SLC8A1: variants seen among roughly 807,000 people sequenced by gnomAD.
SLC8A1 encodes solute carrier family 8 member A1, also known as sodium/calcium exchanger 1.
In SLC8A1, 18 loss-of-function variants were observed where a neutral mutation model predicts 68.3. The observed-to-expected ratio is 0.26, with a 90% CI of 0.18 to 0.39. The LOEUF is 0.39. Ranked by LOEUF, SLC8A1 falls within the 10% of genes least tolerant of loss-of-function variation. SLC8A1 has a pLI of 1.00. For missense variants in SLC8A1, 985 were observed against 1,156.7 expected (o/e 0.85, Z 2.15); for synonymous variants, 475 against 415.5 (o/e 1.14, Z -1.74).
chr2:40,299,002 C>G (rs2070935222), intron 2 of SLC8A1, among the ~76,000 whole-genome samples: 1 of 152,120 alleles, frequency 6.6e-6, no homozygotes, highest in Admixed American at 6.5e-5. Flanking sequence ...GAACCTGGAT[C>G]TACTTGGGGA....
chr2:40,459,239 A>G (rs1395837008), intron 1 of SLC8A1, among the ~76,000 whole-genome samples: 1 of 152,206 alleles, frequency 6.6e-6, no homozygotes, highest in Non-Finnish European at 1.5e-5. Context: ...GGAAAAATGG[A>G]ATAGAAAGGT....
intron 2 of SLC8A1, among the ~76,000 whole-genome samples, chr2:40,391,172 T>C (rs999781518): frequency 3.2e-4 from 16 of 49,864 alleles, no homozygotes; most frequent in African/African-American, 2.1e-3. Flanking sequence ...TATATGTAGA[T>C]GCGTGTGTGT....
intron 2 of SLC8A1, among the ~76,000 whole-genome samples, chr2:40,266,480 G>A (rs1198709915): frequency 2.0e-5 from 3 of 152,176 alleles, no homozygotes; most frequent in Non-Finnish European, 4.4e-5. Context: ...ATAGAGTAGA[G>A]ACTATTCTTA....
chr2:40,512,362 T>C (rs1376189902), exon 1 of SLC8A1: 1 of 152,328 alleles, frequency 6.6e-6, no homozygotes, highest in Non-Finnish European at 1.5e-5. Context: ...TGTCAAGCTT[T>C]GGCTGCTCAG....
intron 6 of SLC8A1, among the ~76,000 whole-genome samples, chr2:40,140,319 C>T (rs2041304850): frequency 6.6e-6 from 1 of 152,204 alleles, no homozygotes; most frequent in South Asian, 2.1e-4. Flanking sequence ...TTCTTTAGAA[C>T]TAAATGTGCT....
intron 2 of SLC8A1, among the ~76,000 whole-genome samples, chr2:40,300,493 C>T (rs892015278): frequency 6.6e-6 from 1 of 152,098 alleles, no homozygotes; most frequent in African/African-American, 2.4e-5. Context: ...TAGGCTGGCC[C>T]ACAAAAACAA....
intron 2 of SLC8A1, among the ~76,000 whole-genome samples, chr2:40,215,766 C>A (rs1259441592): frequency 5.9e-5 from 9 of 151,366 alleles, no homozygotes; most frequent in African/African-American, 2.2e-4. Context: ...GTTGGCATTA[C>A]AGGTCTGAGC....
intron 2 of SLC8A1, among the ~76,000 whole-genome samples, chr2:40,336,361 C>T (rs935863395): frequency 6.6e-6 from 1 of 152,136 alleles, no homozygotes; most frequent in African/African-American, 2.4e-5. Context: ...TTAACCAAGA[C>T]AACAAAGGCC....
intron 2 of SLC8A1, among the ~76,000 whole-genome samples, chr2:40,412,917 T>A (rs962184264): frequency 6.6e-6 from 1 of 152,298 alleles, no homozygotes; most frequent in Non-Finnish European, 1.5e-5. Context: ...TTTTTTTTAT[T>A]ATACTTTAAG....
chr2:40,355,861 T>G (rs2149461190), intron 2 of SLC8A1, among the ~76,000 whole-genome samples: 1 of 152,324 alleles, frequency 6.6e-6, no homozygotes, highest in East Asian at 1.9e-4. Context: ...GTCACTCAAT[T>G]ATTAACATTT....
At chr2:40,236,778 T>A (rs1252574680) in intron 2 of SLC8A1, among the ~76,000 whole-genome samples, 2 of 151,850 alleles carry the variant, frequency 1.3e-5, no homozygotes, top group African/African-American at 4.8e-5. Context: ...CTTCAGGAGC[T>A]CTTTTAGGGC....
chr2:40,100,952 T>C (rs2125024120), exon 8 of SLC8A1: 1 of 152,264 alleles, frequency 6.6e-6, no homozygotes, highest in South Asian at 2.1e-4. Context: ...AAGCTTACAT[T>C]TCCAGCCTCC....
At chr2:40,146,071 A>G (rs1022001575) in intron 6 of SLC8A1, among the ~76,000 whole-genome samples, 4 of 152,194 alleles carry the variant, frequency 2.6e-5, no homozygotes, top group Non-Finnish European at 5.9e-5. Context: ...GATGTCAACA[A>G]CTTTTCTTCT....
At position 40,139,660 on chromosome 2, in the gene SLC8A1, G is replaced by T. The variant is rs781045590; in HGVS notation, c.2178C>A (p.Asp726Glu). 4 of 1,613,628 alleles carry T rather than the reference G, an allele frequency of 2.5e-6. No homozygotes were observed. Among genetic ancestry groups the T allele is most frequent in the Non-Finnish European group, 3.4e-6 (4 of 1,179,804 alleles). Residue 726 changes from aspartate (D) to glutamate (E), a missense_variant, in exon 7 of 8, where the codon GAC becomes GAA. Physicochemically the swap from Asp to Glu is conservative, Grantham distance 45. Transcript: ENST00000406785. Reference sequence around the variant, plus strand: ...GCAGCTTCTCTTCCCCACATTCATCGTCGTCATCATCTTCCCCTAGAGAGA... The same window carrying T: ...GCAGCTTCTCTTCCCCACATTCATCTTCGTCATCATCTTCCCCTAGAGAGA...
At chr2:40,229,410 C>G (rs944577627) in intron 2 of SLC8A1, among the ~76,000 whole-genome samples, 1 of 150,384 alleles carries the variant, frequency 6.6e-6, no homozygotes, top group East Asian at 2.0e-4. Flanking sequence ...AGAGAAAACA[C>G]TTAAAAAAAA....
At chr2:40,285,906 A>C (rs2149208239) in intron 2 of SLC8A1, among the ~76,000 whole-genome samples, 1 of 152,284 alleles carries the variant, frequency 6.6e-6, no homozygotes. Context: ...ATTTTGCCTG[A>C]AGTTCCTTAT....
chr2:40,319,500 T>C (rs773759835), intron 2 of SLC8A1, among the ~76,000 whole-genome samples: 3 of 152,154 alleles, frequency 2.0e-5, no homozygotes, highest in African/African-American at 7.2e-5. Flanking sequence ...ACTGAATTTC[T>C]CTCTAGACCA....
chr2:40,197,888 G>GAGTGGTAGTATCTGTGAGGTTCAAGACA (rs1260261421), intron 2 of SLC8A1, among the ~76,000 whole-genome samples: 16 of 152,102 alleles, frequency 1.1e-4, no homozygotes, highest in South Asian at 2.1e-4. Flanking sequence ...CAAAGCTCCA[G>GAGTGGTAGTATCTGTGAGGTTCAAGACA]GGAAGAATGA....
chr2:40,170,341 C>G, intron 4 of SLC8A1: 4 of 1,613,986 alleles, frequency 2.5e-6, no homozygotes, highest in Non-Finnish European at 3.4e-6. Flanking sequence ...TTCCTGAAGA[C>G]AGGTTGGCCT....
Sources: gnomAD v4.1 joint callset for allele counts (sites outside exome capture counted in the v4.1 genomes callset) on GRCh38, gnomAD v4.1.1 for gene constraint, MANE v1.5 for transcripts, NCBI Gene and HGNC (gene_info 2026-07-23, HGNC 2026-07-21) for gene names.